Variants in DEUP1 observed in about 807,000 individuals in gnomAD.
DEUP1 encodes deuterosome assembly protein 1.
Under a neutral mutation model 87.4 loss-of-function variants are expected in DEUP1, and 82 were observed. The ratio of observed to expected loss-of-function variants is 0.94; its 90% confidence interval spans 0.78 to 1.13. DEUP1 has a LOEUF of 1.13. DEUP1 is among the 50% of genes most tolerant of loss of function. The probability of loss-of-function intolerance (pLI) is 0.00; values close to 1 mark genes in which losing one functional copy is unlikely to be tolerated. For synonymous variants in DEUP1, 214 were observed against 222.7 expected (o/e 0.96, Z 0.35); for missense variants, 663 against 681.5 (o/e 0.97, Z 0.30).
chr11:93,401,085 C>T (rs2134390241), intron 11 of DEUP1, among the ~76,000 whole-genome samples: 1 of 152,162 alleles, frequency 6.6e-6, no homozygotes, highest in Non-Finnish European at 1.5e-5. Context: ...AACTGATAAA[C>T]AAATTCAGTA....
intron 2 of DEUP1, among the ~76,000 whole-genome samples, chr11:93,354,703 G>T (rs1944796560): frequency 6.6e-6 from 1 of 152,188 alleles, no homozygotes; most frequent in Non-Finnish European, 1.5e-5. Context: ...AAACTTATCA[G>T]ATCTCATGAG....
chr11:93,420,224 G>C (rs1205630016), intron 13 of DEUP1, among the ~76,000 whole-genome samples: 3 of 152,152 alleles, frequency 2.0e-5, no homozygotes, highest in African/African-American at 7.2e-5. Context: ...CCATGATCAA[G>C]TGGGCTTCAT....
At chr11:93,341,277 G>T (rs902063846) in intron 2 of DEUP1, among the ~76,000 whole-genome samples, 2 of 151,868 alleles carry the variant, frequency 1.3e-5, no homozygotes, top group Non-Finnish European at 2.9e-5. Context: ...AAATTAGCTG[G>T]GTGTGGTGGC....
chr11:93,330,533 C>G (rs1262258919), upstream of DEUP1: 24 of 152,462 alleles, frequency 1.6e-4, no homozygotes, highest in Admixed American at 1.6e-3. Flanking sequence ...CCGCGCCCAT[C>G]CCCCACTCCG....
intron 9 of DEUP1, among the ~76,000 whole-genome samples, chr11:93,391,153 G>A (rs2134347877): frequency 6.6e-6 from 1 of 150,860 alleles, no homozygotes; most frequent in African/African-American, 2.4e-5. Flanking sequence ...AAACTAACAA[G>A]AGCTATGTAT....
intron 13 of DEUP1, among the ~76,000 whole-genome samples, chr11:93,436,792 C>G (rs547848550): frequency 6.6e-6 from 1 of 151,672 alleles, no homozygotes; most frequent in African/African-American, 2.4e-5. Context: ...TACAGATTTC[C>G]CCAACAAAAA....
chr11:93,407,518 A>C (rs1401311239), intron 11 of DEUP1, among the ~76,000 whole-genome samples: 1 of 152,122 alleles, frequency 6.6e-6, no homozygotes, highest in Admixed American at 6.6e-5. Flanking sequence ...AATTATATTG[A>C]TACTTTATGT....
intron 8 of DEUP1, among the ~76,000 whole-genome samples, chr11:93,386,188 C>T (rs1349243942): frequency 6.6e-6 from 1 of 152,056 alleles, no homozygotes; most frequent in Non-Finnish European, 1.5e-5. Context: ...TTCACTTGTA[C>T]ATATTGTATT....
rs1437579695 is a variant in DEUP1 at position 93,393,025 on chromosome 11, C to CCTA, written c.1042-1432_1042-1431insACT. On this transcript the variant is annotated intron_variant, in intron 9 of 13. Transcript: ENST00000298050. ...TCTTTCTCCTCCTCCTCCTCTGAGC[C>CCTA]CTCCTCCTCCTCCTTCTACTTCTTT... is the stretch of plus-strand genomic sequence containing the variant. Among the ~76,000 whole-genome samples the CCTA allele has an allele frequency of 1.8e-3, 11 of 6,222 alleles. No individual in the cohort carries two copies. The East Asian group carries it at 0.12, about 69-fold the overall frequency. The allele number at this position is 6,222 out of a possible 152,430, so 4.1% of individuals were successfully genotyped here. A position where few individuals can be genotyped will look rare whatever the true frequency, so the allele number is the denominator to read the frequency against.
chr11:93,359,282 C>G (rs1414340729), intron 4 of DEUP1, among the ~76,000 whole-genome samples: 1 of 152,172 alleles, frequency 6.6e-6, no homozygotes. Flanking sequence ...CTTTACCACA[C>G]CCTGCCTTGA....
At chr11:93,432,563 G>A (rs1450022153) in intron 13 of DEUP1, among the ~76,000 whole-genome samples, 1 of 152,164 alleles carries the variant, frequency 6.6e-6, no homozygotes, top group Non-Finnish European at 1.5e-5. Flanking sequence ...TCAGGTGTAG[G>A]CAAGACCCGG....
Position 93,414,029 on chromosome 11 carries a change from T to C in DEUP1, c.1524-971T>C, listed in dbSNP as rs780928489. The stretch of plus-strand genomic sequence containing the variant: ...ATTTACTATGTGCCAGGCATTGTTT[T>C]CTAAGTGTTTTACATATATTAATCA... On this transcript the variant is annotated intron_variant, in intron 12 of 13. Coordinates refer to ENST00000298050, the MANE Select transcript of DEUP1 (RefSeq NM_181645.4). Among the ~76,000 whole-genome samples, 4 of 152,188 alleles carry C rather than the reference T, an allele frequency of 2.6e-5. No homozygotes were observed. The South Asian group carries it at 6.2e-4, about 24-fold the overall frequency.
At chr11:93,414,953 A>T in intron 12 of DEUP1, 47 bp from the exon 13 acceptor site, 1 of 1,042,380 alleles carries the variant, frequency 9.6e-7, no homozygotes, top group Non-Finnish European at 1.3e-6. Flanking sequence ...ACATAAATAA[A>T]CATGTGTCCT....
chr11:93,360,658 A>G (rs976894393), intron 4 of DEUP1, among the ~76,000 whole-genome samples: 4 of 152,124 alleles, frequency 2.6e-5, no homozygotes, highest in Admixed American at 1.3e-4. Flanking sequence ...TAAAAACTCA[A>G]TGGATGGACT....
chr11:93,420,745 C>T (rs1375239193), intron 13 of DEUP1, among the ~76,000 whole-genome samples: 7 of 134,218 alleles, frequency 5.2e-5, no homozygotes, highest in African/African-American at 2.0e-4. Flanking sequence ...GTGCAAAAAT[C>T]ACAAGCATTC....
intron 13 of DEUP1, among the ~76,000 whole-genome samples, chr11:93,431,397 A>C (rs2134506170): frequency 6.6e-6 from 1 of 152,232 alleles, no homozygotes; most frequent in African/African-American, 2.4e-5. Flanking sequence ...TTAGAAGGGA[A>C]GAGGGAGACT....
At chr11:93,413,844 C>T (rs1947520831) in intron 12 of DEUP1, among the ~76,000 whole-genome samples, 1 of 152,138 alleles carries the variant, frequency 6.6e-6, no homozygotes, top group African/African-American at 2.4e-5. Context: ...CTAAAGACAT[C>T]ACTTCCTAGC....
chr11:93,402,102 A>C (rs1444837492), intron 11 of DEUP1, among the ~76,000 whole-genome samples: 2 of 152,010 alleles, frequency 1.3e-5, no homozygotes, highest in African/African-American at 2.4e-5. Context: ...TTTGCAAACT[A>C]TCCATATGAC....
chr11:93,360,905 C>CAAAAAAAAAAAAAAAAAAA (rs35572726), intron 4 of DEUP1, among the ~76,000 whole-genome samples: 1 of 82,410 alleles, frequency 1.2e-5, no homozygotes. Flanking sequence ...CAAAACTTAG[C>CAAAAAAAAAAAAAAAAAAA]AAAAAAAAAA....
Sources: allele counts gnomAD v4.1 joint callset (sites outside exome capture counted in the v4.1 genomes callset), GRCh38; gene constraint gnomAD v4.1.1; transcripts MANE v1.5; gene names NCBI Gene and HGNC (gene_info 2026-07-23, HGNC 2026-07-21).